The following DCLK1 variants were observed in gnomAD, a reference collection of about 807,000 sequenced individuals.
DCLK1 encodes the protein doublecortin like kinase 1.
A neutral mutation model predicts 86.2 loss-of-function variants in DCLK1; 16 were observed. That is an observed-to-expected ratio of 0.19 (90% CI 0.13 to 0.28). DCLK1 has a LOEUF of 0.28. DCLK1 is among the 10% of genes least tolerant of loss of function. The pLI, the probability that DCLK1 is intolerant of heterozygous loss-of-function variation, is 1.00. For missense variants in DCLK1, 590 were observed against 940.2 expected, an observed-to-expected ratio of 0.63 and a Z score of 4.87; for synonymous variants, 369 against 370.5, an observed-to-expected ratio of 1.00 and a Z score of 0.05.
chr13:36,083,754 T>C (rs923472539), intron 3 of DCLK1, among the ~76,000 whole-genome samples: 3 of 152,204 alleles, frequency 2.0e-5, no homozygotes, highest in African/African-American at 7.2e-5. Context: ...CTTTGTGACA[T>C]CCACTGTGGT....
At chr13:35,898,886 C>G (rs1874172449) in intron 4 of DCLK1, among the ~76,000 whole-genome samples, 1 of 152,112 alleles carries the variant, frequency 6.6e-6, no homozygotes, top group Admixed American at 6.5e-5. Flanking sequence ...GAACTATAGG[C>G]AGGTGCCACC....
chr13:36,104,630 C>A (rs759319666), intron 3 of DCLK1, among the ~76,000 whole-genome samples: 1 of 151,394 alleles, frequency 6.6e-6, no homozygotes, highest in Non-Finnish European at 1.5e-5. Flanking sequence ...TATATAGCAA[C>A]GAGTCCAATG....
At chr13:35,825,807 A>T (rs942006740) in intron 10 of DCLK1, among the ~76,000 whole-genome samples, 13 of 120,806 alleles carry the variant, frequency 1.1e-4, no homozygotes, top group African/African-American at 3.7e-4. Flanking sequence ...AATGAAATCG[A>T]CTTTTCTTTT....
chr13:36,114,544 G>T (rs1885715966), intron 2 of DCLK1, among the ~76,000 whole-genome samples: 1 of 152,192 alleles, frequency 6.6e-6, no homozygotes, highest in African/African-American at 2.4e-5. Context: ...ATTCAGGAAA[G>T]GCCCAGATGG....
chr13:35,855,390 G>C, intron 5 of DCLK1: 2 of 939,732 alleles, frequency 2.1e-6, no homozygotes, highest in East Asian at 5.3e-5. Context: ...TATTTTACCT[G>C]TAAAAATGGC....
At chr13:35,865,897 G>C (rs940603746) in intron 5 of DCLK1, among the ~76,000 whole-genome samples, 5 of 152,178 alleles carry the variant, frequency 3.3e-5, no homozygotes, top group Non-Finnish European at 1.5e-5. Context: ...TGGAACGCTG[G>C]TGCCAAGGGA....
intron 5 of DCLK1, among the ~76,000 whole-genome samples, chr13:35,867,767 T>A (rs1424303081): frequency 1.3e-5 from 2 of 151,894 alleles, no homozygotes; most frequent in Non-Finnish European, 2.9e-5. Context: ...AATTATATTT[T>A]TAAGATTAGA....
At chr13:35,959,133 G>A (rs2153136862) in intron 3 of DCLK1, among the ~76,000 whole-genome samples, 1 of 152,232 alleles carries the variant, frequency 6.6e-6, no homozygotes, top group South Asian at 2.1e-4. Flanking sequence ...TATATATGGT[G>A]ATGAAAACAC....
intron 4 of DCLK1, among the ~76,000 whole-genome samples, chr13:35,918,662 G>A (rs1262263747): frequency 6.6e-6 from 1 of 152,106 alleles, no homozygotes; most frequent in Non-Finnish European, 1.5e-5. Context: ...AGACAGAGCA[G>A]TGAACCCCCA....
intron 5 of DCLK1, among the ~76,000 whole-genome samples, chr13:35,866,719 T>C (rs1871821065): frequency 6.6e-6 from 1 of 152,040 alleles, no homozygotes; most frequent in Non-Finnish European, 1.5e-5. Context: ...TAAAGATGCT[T>C]TAACATTAAA....
intron 3 of DCLK1, among the ~76,000 whole-genome samples, chr13:36,022,300 T>G (rs1185883934): frequency 2.6e-5 from 4 of 151,890 alleles, no homozygotes; most frequent in African/African-American, 4.8e-5. Context: ...TGTAAAACCT[T>G]TACTTAAAAA....
intron 4 of DCLK1, among the ~76,000 whole-genome samples, chr13:35,896,265 G>A (rs1476787408): frequency 2.0e-5 from 3 of 152,186 alleles, no homozygotes; most frequent in East Asian, 3.9e-4. Context: ...TAGGCCAGGC[G>A]TAGTGGCTCA....
At chr13:36,090,914 A>G (rs115454422) in intron 3 of DCLK1, among the ~76,000 whole-genome samples, 91 of 152,216 alleles carry the variant, frequency 6.0e-4, no homozygotes, top group Middle Eastern at 6.8e-3. Context: ...CACATGGCTC[A>G]GTACAATCTC....
intron 16 of DCLK1, among the ~76,000 whole-genome samples, chr13:35,781,776 G>T (rs536272345): frequency 1.2e-3 from 184 of 152,274 alleles, no homozygotes; most frequent in African/African-American, 4.4e-3. Flanking sequence ...CAGCTGCTGG[G>T]ACATTAATCT....
At chr13:36,053,398 T>G (rs1271686385) in intron 3 of DCLK1, among the ~76,000 whole-genome samples, 2 of 152,132 alleles carry the variant, frequency 1.3e-5, no homozygotes, top group African/African-American at 4.8e-5. Context: ...GATCACTTTC[T>G]ACTTAGTAAA....
At chr13:36,087,004 T>C (rs1884631711) in intron 3 of DCLK1, among the ~76,000 whole-genome samples, 1 of 152,200 alleles carries the variant, frequency 6.6e-6, no homozygotes, top group Non-Finnish European at 1.5e-5. Flanking sequence ...GATTGCTGAG[T>C]CAAATGGTAT....
intron 5 of DCLK1, among the ~76,000 whole-genome samples, chr13:35,859,307 T>C (rs559042956): frequency 2.6e-5 from 4 of 152,356 alleles, no homozygotes; most frequent in Admixed American, 1.3e-4. Flanking sequence ...AGTTCTGGTC[T>C]CCTTTGCTTT....
intron 3 of DCLK1, among the ~76,000 whole-genome samples, chr13:36,103,852 A>G (rs1170255239): frequency 1.3e-5 from 2 of 152,172 alleles, no homozygotes; most frequent in African/African-American, 4.8e-5. Context: ...CAATTTTTAT[A>G]TCCATGGGAC....
chr13:35,844,736 C>T (rs963097748), intron 6 of DCLK1, among the ~76,000 whole-genome samples: 3 of 152,166 alleles, frequency 2.0e-5, no homozygotes, highest in Non-Finnish European at 2.9e-5. Flanking sequence ...GAAACTGCAA[C>T]TACAATTTGA....
Sources: gnomAD v4.1 joint callset for allele counts (sites outside exome capture counted in the v4.1 genomes callset) on GRCh38, gnomAD v4.1.1 for gene constraint, MANE v1.5 for transcripts, NCBI Gene and HGNC (gene_info 2026-07-23, HGNC 2026-07-21) for gene names.